IFT74: variants seen among roughly 807,000 people sequenced by gnomAD.
IFT74 encodes intraflagellar transport protein 74 homolog.
In IFT74, 92 loss-of-function variants were observed where a neutral mutation model predicts 96.7. The ratio of observed to expected loss-of-function variants is 0.95; its 90% CI spans 0.80 to 1.13. IFT74 has a LOEUF of 1.13. IFT74 is among the 50% of genes most tolerant of loss of function. The probability of loss-of-function intolerance (pLI) is 0.00; values close to 1 mark genes in which losing one functional copy is unlikely to be tolerated. For synonymous variants in IFT74, 223 were observed against 213.2 expected (o/e 1.05, Z -0.40); for missense variants, 811 against 698.2 (o/e 1.16, Z -1.82).
At chr9:27,010,741 T>G (rs1829030068) in intron 9 of IFT74, among the ~76,000 whole-genome samples, 1 of 152,056 alleles carries the variant, frequency 6.6e-6, no homozygotes, top group South Asian at 2.1e-4. Context: ...GTGCTGGTAT[T>G]ACAGGCGTGA....
chr9:27,038,733 G>C (rs1247829239), intron 13 of IFT74, among the ~76,000 whole-genome samples: 1 of 152,194 alleles, frequency 6.6e-6, no homozygotes, highest in Non-Finnish European at 1.5e-5. Context: ...GATGATGACA[G>C]TGATAACAGA....
At chr9:26,972,709 G>T (rs979101721) in intron 2 of IFT74, among the ~76,000 whole-genome samples, 2 of 151,978 alleles carry the variant, frequency 1.3e-5, no homozygotes, top group African/African-American at 4.8e-5. Context: ...AAATTTTTTT[G>T]GTTCTTGCTT....
chr9:27,023,869 G>A (rs1829728447), intron 12 of IFT74, among the ~76,000 whole-genome samples: 1 of 152,158 alleles, frequency 6.6e-6, no homozygotes, highest in Non-Finnish European at 1.5e-5. Context: ...GCCCCGACCT[G>A]ATGGTCTTTC....
At chr9:27,031,641 A>T (rs1312263965) in intron 13 of IFT74, among the ~76,000 whole-genome samples, 1 of 143,926 alleles carries the variant, frequency 6.9e-6, no homozygotes, top group African/African-American at 2.6e-5. Flanking sequence ...TCTGTCACCC[A>T]GGCTGGAGTA....
At chr9:26,950,179 G>A (rs1260290400) in intron 1 of IFT74, among the ~76,000 whole-genome samples, 20 of 152,042 alleles carry the variant, frequency 1.3e-4, no homozygotes, top group Admixed American at 1.3e-3. Flanking sequence ...GGGTGTGGTG[G>A]CACGCGCCTG....
chr9:26,976,545 GGA>G (rs1380052389), intron 2 of IFT74: 3 of 324,254 alleles, frequency 9.3e-6, no homozygotes, highest in African/African-American at 6.5e-5. Context: ...GCGCATGATG[GGA>G]GAGAGGGGAG....
At chr9:27,017,244 GT>G (rs1829391195) in intron 11 of IFT74, among the ~76,000 whole-genome samples, 194 bp downstream of exon 11, 1 of 151,850 alleles carries the variant, frequency 6.6e-6, no homozygotes, top group Non-Finnish European at 1.5e-5. Context: ...TATTTTTGAT[GT>G]AGGATCTTGC....
At chr9:26,948,663 A>G (rs1441099671) in intron 1 of IFT74, among the ~76,000 whole-genome samples, 1 of 151,592 alleles carries the variant, frequency 6.6e-6, no homozygotes, top group Non-Finnish European at 1.5e-5. Context: ...AACGAGTTTC[A>G]CCATGTTGGC....
In IFT74 at chr9:27,018,655, T is replaced by C. The variant is rs753783115; in HGVS notation, c.942T>C (p.Asp314=). 1.8e-5 allele frequency: 27 copies of C among 1,518,530 alleles called. No individual in the cohort carries two copies. The highest frequency in any genetic ancestry group is 2.3e-5 in the Non-Finnish European group (26 of 1,107,570). 94.1% of individuals were successfully genotyped at this position (1,518,530 alleles called of 1,614,324 possible). Residue 314 remains aspartate, a synonymous_variant, in exon 12 of 20, where the codon GAT becomes GAC. Coordinates refer to ENST00000380062, the MANE Select transcript of IFT74 (RefSeq NM_025103.4). ...EREKLLKQIK[D]DNQEIASMER... The stretch of plus-strand genomic sequence containing the variant: ...TTTTTATGCCTTTGTAGATTAAAGA[T>C]GATAATCAGGAAATAGCCAGCATGG...
rs560453553 is a variant in IFT74, at chr9:27,001,733, G to A, written c.588-7287G>A. On this transcript the variant is annotated intron_variant, in intron 8 of 19. Coordinates refer to ENST00000380062, the MANE Select transcript of IFT74 (RefSeq NM_025103.4). Reference sequence around the variant, plus strand: ...TCTGATTATTAACCCCTTTTTAGATGGGTAGTTTGCAAATATTTTCTCATT... The same window carrying A: ...TCTGATTATTAACCCCTTTTTAGATAGGTAGTTTGCAAATATTTTCTCATT... Among the ~76,000 whole-genome samples the A allele has an allele frequency of 5.9e-5, 9 of 152,066 alleles. No homozygotes were observed. The South Asian group carries it at 1.9e-3, about 32-fold the overall frequency.
At chr9:26,973,118 C>T (rs1282445377) in intron 2 of IFT74, among the ~76,000 whole-genome samples, 1 of 152,184 alleles carries the variant, frequency 6.6e-6, no homozygotes, top group Non-Finnish European at 1.5e-5. Context: ...TCTCGGCTAT[C>T]CTCAGCCAAG....
chr9:27,046,286 A>G (rs182035460), intron 14 of IFT74, among the ~76,000 whole-genome samples: 1 of 152,308 alleles, frequency 6.6e-6, no homozygotes, highest in East Asian at 1.9e-4. Context: ...GTGGTCCTCT[A>G]CCACCATATT....
chr9:27,037,829 T>A (rs1366429633), intron 13 of IFT74, among the ~76,000 whole-genome samples: 2 of 152,170 alleles, frequency 1.3e-5, no homozygotes, highest in Non-Finnish European at 2.9e-5. Context: ...TCAGTTTTAT[T>A]CCTAAAATGA....
rs1016049784 is a variant in IFT74 at position 27,013,088 on chromosome 9, G to A, written c.789+1120G>A. Among the ~76,000 whole-genome samples the A allele has an allele frequency of 5.3e-5, 8 of 152,208 alleles. 1 individual carries two copies. Among genetic ancestry groups the A allele is most frequent in the Admixed American group, 3.3e-4 (5 of 15,274 alleles). Reference sequence around the variant, plus strand: ...GACATTTATCAAGTGCTTACTGTATGCTTTTTTGAGCTGTAAACACATATC... The same window carrying A: ...GACATTTATCAAGTGCTTACTGTATACTTTTTTGAGCTGTAAACACATATC... On this transcript the variant is annotated intron_variant, in intron 10 of 19. Transcript: ENST00000380062.
At chr9:27,024,347 G>T (rs528552808) in intron 12 of IFT74, among the ~76,000 whole-genome samples, 129 of 152,242 alleles carry the variant, frequency 8.5e-4, no homozygotes, top group African/African-American at 3.0e-3. Context: ...AGGACTCTTC[G>T]CAGACCCTCC....
Position 26,998,187 on chromosome 9 carries a change from T to C in IFT74, c.587+7992T>C, listed in dbSNP as rs778775064. The C allele has an allele frequency of 1.9e-5, 29 of 1,566,090 alleles. No individual in the cohort carries two copies. The South Asian group carries it at 3.3e-4, about 18-fold the overall frequency. On this transcript the variant is annotated intron_variant, in intron 8 of 19. Transcript: ENST00000380062. Reference sequence around the variant, plus strand: ...AGATCAAGTATAGTAACATCTTTCTTGATATCTGCTGGAATCAAGGTATAA... The same window carrying C: ...AGATCAAGTATAGTAACATCTTTCTCGATATCTGCTGGAATCAAGGTATAA...
chr9:27,010,485 G>GTTTTTTTTTTT (rs375246441), intron 9 of IFT74, among the ~76,000 whole-genome samples: 1 of 128,120 alleles, frequency 7.8e-6, no homozygotes, highest in Non-Finnish European at 1.6e-5. Context: ...CCTTTTTTTT[G>GTTTTTTTTTTT]TTTTTTTTTT....
chr9:27,012,739 CAG>C (rs1387125217), intron 10 of IFT74, among the ~76,000 whole-genome samples: 2 of 66,164 alleles, frequency 3.0e-5, no homozygotes, highest in Non-Finnish European at 4.7e-5. Context: ...TTTTTTTAGA[CAG>C]AGTATCGCTC....
intron 3 of IFT74, 99 bp from the exon 4 acceptor site, chr9:26,980,472 G>A: frequency 2.6e-6 from 2 of 770,084 alleles, no homozygotes; most frequent in Admixed American, 3.7e-5. Context: ...CATGAAGACT[G>A]TCTTGAGAAT....
Sources: gnomAD v4.1 joint callset for allele counts (sites outside exome capture counted in the v4.1 genomes callset) on GRCh38, gnomAD v4.1.1 for gene constraint, MANE v1.5 for transcripts, NCBI Gene and HGNC (gene_info 2026-07-23, HGNC 2026-07-21) for gene names.